Variants in CSMD1 observed in about 807,000 individuals in gnomAD.
CSMD1 encodes CUB and sushi domain-containing protein 1.
A neutral mutation model predicts 417.5 loss-of-function variants in CSMD1; 213 were observed. The ratio of observed to expected loss-of-function variants is 0.51; its 90% CI spans 0.46 to 0.57. The LOEUF (loss-of-function observed/expected upper bound fraction) is 0.57. Ranked by LOEUF, CSMD1 falls within the 20% of genes least tolerant of loss-of-function variation. The probability of loss-of-function intolerance (pLI) is 0.00; values close to 1 mark genes in which losing one functional copy is unlikely to be tolerated. For missense variants in CSMD1, 6,923 were observed against 4,529.7 expected, an observed-to-expected ratio of 1.53 and a Z score of -15.17; for synonymous variants, 2,862 against 1,736.8, an observed-to-expected ratio of 1.65 and a Z score of -16.11.
intron 5 of CSMD1, among the ~76,000 whole-genome samples, chr8:3,915,673 C>G (rs946525293): frequency 6.6e-5 from 10 of 151,314 alleles, no homozygotes; most frequent in African/African-American, 1.2e-4. Context: ...ACTGATATTA[C>G]TAATAATGTA....
chr8:4,899,439 G>C (rs1056117764), intron 1 of CSMD1, among the ~76,000 whole-genome samples: 4 of 152,136 alleles, frequency 2.6e-5, no homozygotes. Flanking sequence ...AGGTAATTGA[G>C]AATTAAATGT....
rs1802447399 is a variant in CSMD1 at position 3,278,139 on chromosome 8, AAGG to A, written c.4153+6002_4153+6004del. Among the ~76,000 whole-genome samples the A allele has an allele frequency of 2.0e-5, 3 of 152,214 alleles. No individual in the cohort carries two copies. The South Asian group carries it at 6.2e-4, about 32-fold the overall frequency. ...CCAATGATAGAGTGACCCTTGGAATAAGGAGGAACAAGAGAGAATAATAAGATG... is the reference window on the plus strand; with the variant it reads ...CCAATGATAGAGTGACCCTTGGAATAAGGAACAAGAGAGAATAATAAGATG... On this transcript the variant is annotated intron_variant, in intron 26 of 69. Coordinates refer to ENST00000635120, the MANE Select transcript of CSMD1 (RefSeq NM_033225.6).
At chr8:4,450,341 T>A (rs1188860067) in intron 2 of CSMD1, among the ~76,000 whole-genome samples, 2 of 152,112 alleles carry the variant, frequency 1.3e-5, no homozygotes, top group Non-Finnish European at 2.9e-5. Context: ...TTAAAGATAT[T>A]TAGTAGCCGG....
At chr8:4,249,417 T>A (rs1802911643) in intron 3 of CSMD1, among the ~76,000 whole-genome samples, 1 of 152,174 alleles carries the variant, frequency 6.6e-6, no homozygotes, top group Admixed American at 6.5e-5. Context: ...AAACTAATAG[T>A]GTTAGTGAAA....
chr8:3,451,802 C>CT (rs1341697515), intron 12 of CSMD1, among the ~76,000 whole-genome samples: 1 of 152,148 alleles, frequency 6.6e-6, no homozygotes, highest in Non-Finnish European at 1.5e-5. Flanking sequence ...GATGCGGGCT[C>CT]TTTTTTGGTT....
intron 3 of CSMD1, among the ~76,000 whole-genome samples, chr8:4,258,438 G>GGAAGAGTGGAAAAAT (rs1803628727): frequency 5.1e-5 from 1 of 19,722 alleles, no homozygotes. Flanking sequence ...AGGGAGGGAG[G>GGAAGAGTGGAAAAAT]GGAGGATGGA....
intron 3 of CSMD1, among the ~76,000 whole-genome samples, chr8:4,147,736 G>C (rs1340126321): frequency 1.3e-5 from 2 of 152,034 alleles, no homozygotes; most frequent in Non-Finnish European, 2.9e-5. Context: ...AGCTCACCTA[G>C]GTTAACAACC....
At chr8:4,847,348 T>C (rs1801201456) in intron 1 of CSMD1, among the ~76,000 whole-genome samples, 1 of 152,216 alleles carries the variant, frequency 6.6e-6, no homozygotes, top group Non-Finnish European at 1.5e-5. Context: ...TCCTAAACAA[T>C]GACACTAACA....
At chr8:3,001,063 T>C (rs1017741573) in intron 52 of CSMD1, among the ~76,000 whole-genome samples, 5 of 151,892 alleles carry the variant, frequency 3.3e-5, no homozygotes, top group Non-Finnish European at 7.4e-5. Context: ...CACCGTAGCC[T>C]CAATCCCTTG....
At chr8:3,927,541 T>C (rs1406457197) in intron 5 of CSMD1, among the ~76,000 whole-genome samples, 1 of 149,696 alleles carries the variant, frequency 6.7e-6, no homozygotes. Flanking sequence ...GGTGCATCAC[T>C]GTAATCCCAG....
intron 4 of CSMD1, among the ~76,000 whole-genome samples, 167 bp downstream of exon 4, chr8:4,031,738 A>G (rs1797357590): frequency 6.6e-6 from 1 of 152,230 alleles, no homozygotes; most frequent in South Asian, 2.1e-4. Context: ...GTTATTTCTT[A>G]CATAGTAATA....
intron 3 of CSMD1, among the ~76,000 whole-genome samples, chr8:4,289,150 C>A (rs966649130): frequency 6.6e-6 from 1 of 152,086 alleles, no homozygotes; most frequent in Non-Finnish European, 1.5e-5. Flanking sequence ...TTCTAACACC[C>A]GTTCTAAGAC....
intron 1 of CSMD1, among the ~76,000 whole-genome samples, chr8:4,673,359 G>C (rs182082198): frequency 1.3e-5 from 2 of 152,230 alleles, no homozygotes; most frequent in East Asian, 1.9e-4. Flanking sequence ...TCCTTTGAAA[G>C]GGTTTAGCAT....
At chr8:4,188,945 G>T (rs573791473) in intron 3 of CSMD1, among the ~76,000 whole-genome samples, 1 of 152,264 alleles carries the variant, frequency 6.6e-6, no homozygotes, top group South Asian at 2.1e-4. Flanking sequence ...GGTTTACTCA[G>T]ATATTAGAGC....
At chr8:4,058,976 C>A (rs1388326966) in intron 3 of CSMD1, among the ~76,000 whole-genome samples, 1 of 151,898 alleles carries the variant, frequency 6.6e-6, no homozygotes, top group Non-Finnish European at 1.5e-5. Context: ...CACCCCAAAT[C>A]AACACAACAC....
chr8:4,292,948 C>A (rs536688929), intron 3 of CSMD1, among the ~76,000 whole-genome samples: 2 of 152,082 alleles, frequency 1.3e-5, no homozygotes, highest in African/African-American at 4.8e-5. Flanking sequence ...AACAAGGGAC[C>A]CACAAAGCAC....
At chr8:3,399,313 A>G in intron 16 of CSMD1, 78 bp downstream of exon 16, 1 of 1,347,938 alleles carries the variant, frequency 7.4e-7, no homozygotes, top group Non-Finnish European at 1.0e-6. Flanking sequence ...CATCTTTTTA[A>G]AGTTTAAGAT....
rs140825990 is a variant in CSMD1 at position 3,918,586 on chromosome 8, C to T, written c.818+79317G>A. Among the ~76,000 whole-genome samples the T allele has an allele frequency of 4.2e-3, 636 of 152,060 alleles. 5 individuals are homozygous for T. The highest frequency in any genetic ancestry group is 0.013 in the African/African-American group (555 of 41,482). ...ATTTCTTATATATTTTGGACATTAA[C>T]CCCTTATTGAATACGTGGTTTGCAA... is the stretch of plus-strand genomic sequence containing the variant. On this transcript the variant is annotated intron_variant, in intron 5 of 69. Transcript: ENST00000635120.
chr8:3,745,018 C>A lies in CSMD1; in HGVS notation c.931+8912G>T, dbSNP rs753691537. Among the ~76,000 whole-genome samples, 60 of 152,006 alleles carry A rather than the reference C, an allele frequency of 3.9e-4. 1 individual carries two copies. Among genetic ancestry groups the A allele is most frequent in the Non-Finnish European group, 7.6e-4 (52 of 68,012 alleles). Reference sequence around the variant, plus strand: ...GGGCTGGGAGGCTCTTAGGATTCTCCGGGCAGTGAATATTTATCATCTGAT... The same window carrying A: ...GGGCTGGGAGGCTCTTAGGATTCTCAGGGCAGTGAATATTTATCATCTGAT... On this transcript the variant is annotated intron_variant, in intron 6 of 69. Coordinates refer to ENST00000635120, the MANE Select transcript of CSMD1 (RefSeq NM_033225.6).
Sources: allele counts gnomAD v4.1 joint callset (sites outside exome capture counted in the v4.1 genomes callset), GRCh38; gene constraint gnomAD v4.1.1; transcripts MANE v1.5; gene names NCBI Gene and HGNC (gene_info 2026-07-23, HGNC 2026-07-21).